KCNIP4: variants seen among roughly 807,000 people sequenced by gnomAD.
KCNIP4 encodes the protein Kv channel-interacting protein 4.
A neutral mutation model predicts 34.0 loss-of-function variants in KCNIP4; 12 were observed. That is an observed-to-expected ratio of 0.35 (90% CI 0.23 to 0.57). KCNIP4 has a LOEUF of 0.57. Among genes scored for constraint, KCNIP4 ranks in the 20% least tolerant of loss-of-function variants. The pLI is 0.83. For missense variants in KCNIP4, 238 were observed against 311.7 expected (o/e 0.76, Z 1.78); for synonymous variants, 124 against 102.2 (o/e 1.21, Z -1.29).
intron 1 of KCNIP4, among the ~76,000 whole-genome samples, chr4:21,291,096 C>T (rs1763431865): frequency 6.6e-6 from 1 of 152,188 alleles, no homozygotes; most frequent in Non-Finnish European, 1.5e-5. Context: ...TCCATTTCAA[C>T]CCACAGACAA....
At chr4:21,371,905 G>A (rs1283160908) in intron 1 of KCNIP4, among the ~76,000 whole-genome samples, 1 of 146,974 alleles carries the variant, frequency 6.8e-6, no homozygotes, top group Non-Finnish European at 1.5e-5. Context: ...CAGTTAAGCA[G>A]TTGAGCTGTG....
chr4:21,132,394 G>A (rs1237778269), intron 1 of KCNIP4, among the ~76,000 whole-genome samples: 1 of 152,186 alleles, frequency 6.6e-6, no homozygotes, highest in East Asian at 1.9e-4. Flanking sequence ...CGGATTAGGA[G>A]AAGCCATTTA....
At chr4:20,895,361 TAAAA>T (rs1241413884) in intron 1 of KCNIP4, among the ~76,000 whole-genome samples, 2 of 152,112 alleles carry the variant, frequency 1.3e-5, no homozygotes, top group Admixed American at 6.5e-5. Flanking sequence ...CTGGTGGTAT[TAAAA>T]AATAATAATG....
chr4:21,943,113 A>C (rs933072702), intron 1 of KCNIP4, among the ~76,000 whole-genome samples: 1 of 152,228 alleles, frequency 6.6e-6, no homozygotes, highest in Admixed American at 6.5e-5. Context: ...AGGTACAAAA[A>C]TTAGTAATTC....
chr4:20,749,600 T>A, intron 5 of KCNIP4, 62 bp downstream of exon 5: 2 of 1,167,600 alleles, frequency 1.7e-6, no homozygotes, highest in Admixed American at 1.9e-5. Context: ...AAACTCACAT[T>A]TTCCCCCTAA....
At chr4:21,773,752 T>TGTG (rs373135486) in intron 1 of KCNIP4, among the ~76,000 whole-genome samples, 1 of 137,770 alleles carries the variant, frequency 7.3e-6, no homozygotes, top group Non-Finnish European at 1.5e-5. Flanking sequence ...GTTGTTTTTT[T>TGTG]TTTTTTGTTT....
chr4:21,043,685 A>G (rs1742161863), intron 1 of KCNIP4, among the ~76,000 whole-genome samples: 1 of 152,070 alleles, frequency 6.6e-6, no homozygotes, highest in South Asian at 2.1e-4. Flanking sequence ...AATAGAAGCA[A>G]TGTTTTTGGA....
chr4:21,176,376 C>A (rs1045399059), intron 1 of KCNIP4, among the ~76,000 whole-genome samples: 2 of 152,080 alleles, frequency 1.3e-5, no homozygotes, highest in Non-Finnish European at 2.9e-5. Context: ...GGGGGCTCCA[C>A]AATCATGCAT....
At chr4:21,499,221 C>T (rs1733101629) in intron 1 of KCNIP4, among the ~76,000 whole-genome samples, 1 of 151,494 alleles carries the variant, frequency 6.6e-6, no homozygotes, top group African/African-American at 2.4e-5. Context: ...ATCCCAGCTA[C>T]TCAGGAGGCT....
At chr4:21,542,339 C>A (rs1472937878) in intron 1 of KCNIP4, among the ~76,000 whole-genome samples, 1 of 151,662 alleles carries the variant, frequency 6.6e-6, no homozygotes, top group Non-Finnish European at 1.5e-5. Flanking sequence ...AACTTAGAGT[C>A]AAAAATATTT....
intron 1 of KCNIP4, among the ~76,000 whole-genome samples, chr4:21,517,808 C>T (rs1490888548): frequency 6.6e-6 from 1 of 152,174 alleles, no homozygotes; most frequent in Admixed American, 6.6e-5. Context: ...AATGCCACCA[C>T]TAGTGCACCT....
rs572642386 is a variant in KCNIP4 at position 21,173,462 on chromosome 4, T to C, written c.62-290753A>G. ...GTTTCAACAGTCAATAGCAGAGCAG[T>C]TCAGGGGAGGAAGGCTCCCTTCCGG... On this transcript the variant is annotated intron_variant, in intron 1 of 8. Coordinates refer to ENST00000382152, the MANE Select transcript of KCNIP4 (RefSeq NM_025221.6). 2.6e-5 allele frequency among the ~76,000 whole-genome samples: 4 copies of C among 152,160 alleles called. No individual in the cohort carries two copies. The East Asian group carries it at 7.8e-4, about 29-fold the overall frequency.
chr4:20,924,677 T>A (rs1729725856), intron 1 of KCNIP4, among the ~76,000 whole-genome samples: 1 of 152,224 alleles, frequency 6.6e-6, no homozygotes, highest in South Asian at 2.1e-4. Flanking sequence ...TCTGGGGTAA[T>A]AAAATGCATT....
intron 1 of KCNIP4, among the ~76,000 whole-genome samples, chr4:21,127,036 T>C (rs1379814471): frequency 6.6e-6 from 1 of 152,160 alleles, no homozygotes; most frequent in African/African-American, 2.4e-5. Flanking sequence ...ACTGGCCAAG[T>C]TGTTTTCACC....
chr4:21,536,780 CA>C (rs1219647701), intron 1 of KCNIP4, among the ~76,000 whole-genome samples: 2,498 of 127,518 alleles, frequency 0.02, 165 homozygotes, highest in Admixed American at 0.14. Context: ...GACTCTGTTT[CA>C]AAAAAAAAAA....
At chr4:21,653,284 A>T (rs1747658579) in intron 1 of KCNIP4, among the ~76,000 whole-genome samples, 2 of 152,204 alleles carry the variant, frequency 1.3e-5, no homozygotes, top group Non-Finnish European at 2.9e-5. Flanking sequence ...TTACTTCTAC[A>T]GCTTAGCAGC....
chr4:21,138,761 T>TGG (rs1751706960), intron 1 of KCNIP4, among the ~76,000 whole-genome samples: 2 of 149,628 alleles, frequency 1.3e-5, no homozygotes, highest in South Asian at 4.3e-4. Context: ...AAGAGAGAGG[T>TGG]GGGAGGCTGA....
At chr4:21,257,841 T>A (rs1325134556) in intron 1 of KCNIP4, among the ~76,000 whole-genome samples, 1 of 152,064 alleles carries the variant, frequency 6.6e-6, no homozygotes. Flanking sequence ...GACTCTGATG[T>A]GCATCAAGGT....
chr4:21,376,639 C>T (rs535705568), intron 1 of KCNIP4, among the ~76,000 whole-genome samples: 64 of 152,308 alleles, frequency 4.2e-4, no homozygotes, highest in Middle Eastern at 3.4e-3. Context: ...CTGTTTAAAG[C>T]ATCCCTTCAG....
Sources: gnomAD v4.1 joint callset for allele counts (sites outside exome capture counted in the v4.1 genomes callset) on GRCh38, gnomAD v4.1.1 for gene constraint, MANE v1.5 for transcripts, NCBI Gene and HGNC (gene_info 2026-07-23, HGNC 2026-07-21) for gene names.